Variants in SYNPR observed in about 807,000 individuals in gnomAD.
SYNPR encodes synaptoporin.
SYNPR carries 23 observed loss-of-function variants against 32.9 expected under a neutral mutation model. The observed-to-expected ratio is 0.70, with a 90% CI of 0.50 to 0.99. The LOEUF is 0.99. Ranked by LOEUF, SYNPR falls within the 50% of genes least tolerant of loss-of-function variation. The pLI is 0.00. For synonymous variants in SYNPR, 146 were observed against 135.9 expected, an observed-to-expected ratio of 1.07 and a Z score of -0.52; for missense variants, 318 against 349.3, an observed-to-expected ratio of 0.91 and a Z score of 0.71.
At chr3:63,210,370 G>T in the SYNPR span, among the ~76,000 whole-genome samples, 2 of 152,188 alleles carry the variant, frequency 1.3e-5, no homozygotes, top group Non-Finnish European at 2.9e-5. Flanking sequence ...ACCAATCAGA[G>T]CCTAAAAGAA....
intron 4 of SYNPR, among the ~76,000 whole-genome samples, chr3:63,569,953 C>T (rs1431728955): frequency 6.6e-6 from 1 of 152,172 alleles, no homozygotes; most frequent in Non-Finnish European, 1.5e-5. Flanking sequence ...CTGCTGCAGT[C>T]GGCCTTGGGG....
At chr3:63,565,132 T>G (rs772808816) in intron 4 of SYNPR, among the ~76,000 whole-genome samples, 2 of 152,162 alleles carry the variant, frequency 1.3e-5, no homozygotes, top group Admixed American at 6.5e-5. Flanking sequence ...ATGTTTCTAC[T>G]CCATAGCCTG....
intron 2 of SYNPR, among the ~76,000 whole-genome samples, chr3:63,333,037 C>G (rs1420365598): frequency 2.0e-5 from 3 of 152,156 alleles, no homozygotes; most frequent in Non-Finnish European, 4.4e-5. Context: ...AAAATCATCA[C>G]TGGCTGAGAA....
At chr3:63,562,641 A>G (rs914405992) in intron 4 of SYNPR, among the ~76,000 whole-genome samples, 1 of 152,206 alleles carries the variant, frequency 6.6e-6, no homozygotes, top group African/African-American at 2.4e-5. Flanking sequence ...ATCCTGGGAG[A>G]GACGTAGTGC....
At chr3:63,306,698 GA>G (rs1389298753) in intron 2 of SYNPR, among the ~76,000 whole-genome samples, 1 of 151,954 alleles carries the variant, frequency 6.6e-6, no homozygotes, top group Non-Finnish European at 1.5e-5. Flanking sequence ...CCTTATCCTT[GA>G]AAAGGATTAA....
upstream of SYNPR, among the ~76,000 whole-genome samples, chr3:63,224,144 T>C (rs2086112340): frequency 6.6e-6 from 1 of 152,186 alleles, no homozygotes; most frequent in African/African-American, 2.4e-5. Flanking sequence ...TGTTAGGAGC[T>C]GGGCCACACA....
Position 63,615,323 on chromosome 3 carries a change from C to G in SYNPR, c.700C>G (p.Pro234Ala). The G allele has an allele frequency of 1.9e-6, 3 of 1,613,792 alleles. No homozygotes were observed. Among genetic ancestry groups the G allele is most frequent in the Non-Finnish European group, 2.5e-6 (3 of 1,179,834 alleles). Residue 234 changes from proline to alanine, a missense_variant, in exon 6 of 6, where the codon CCA (proline) becomes GCA (alanine). Pro to Ala is a conservative substitution (Grantham distance 27). Transcript: ENST00000478300. ...TTCGGGACAGAGATATCTTTCAGAT[C>G]CAATGGAGAAGCACTCCAGCAGCTA... is the stretch of plus-strand genomic sequence containing the variant. The part of the protein sequence containing the change: ...HSSGQRYLSD[P>A]MEKHSSSYNQ...
chr3:63,505,469 C>T (rs747883386), intron 3 of SYNPR, among the ~76,000 whole-genome samples: 3 of 152,086 alleles, frequency 2.0e-5, no homozygotes, highest in Non-Finnish European at 4.4e-5. Flanking sequence ...GACAAGCCCT[C>T]ATTCTGGCCA....
chr3:63,305,663 G>T (rs1185756685), intron 2 of SYNPR, among the ~76,000 whole-genome samples: 2 of 151,870 alleles, frequency 1.3e-5, no homozygotes, highest in African/African-American at 4.8e-5. Flanking sequence ...TGGGGCCTAG[G>T]CATTTTTATT....
intron 2 of SYNPR, among the ~76,000 whole-genome samples, chr3:63,320,892 C>T (rs1198495686): frequency 6.6e-6 from 1 of 152,048 alleles, no homozygotes; most frequent in Non-Finnish European, 1.5e-5. Flanking sequence ...AGAAACACTG[C>T]CATCTCAAAT....
intron 2 of SYNPR, among the ~76,000 whole-genome samples, chr3:63,294,304 C>T (rs958912759): frequency 1.3e-5 from 2 of 152,176 alleles, no homozygotes; most frequent in Non-Finnish European, 2.9e-5. Context: ...CCAAATTACC[C>T]TCCAATGAGG....
chr3:63,284,930 C>G (rs770496081), intron 2 of SYNPR, among the ~76,000 whole-genome samples: 2 of 152,154 alleles, frequency 1.3e-5, no homozygotes, highest in Non-Finnish European at 2.9e-5. Flanking sequence ...CTCCAGGAGG[C>G]TCAAAGATGT....
At chr3:63,300,469 A>G (rs1198386514) in intron 2 of SYNPR, among the ~76,000 whole-genome samples, 1 of 152,080 alleles carries the variant, frequency 6.6e-6, no homozygotes, top group African/African-American at 2.4e-5. Flanking sequence ...GGATAAAATA[A>G]TTGTGAGGGA....
chr3:63,351,767 C>T (rs528580149), intron 2 of SYNPR, among the ~76,000 whole-genome samples: 19 of 152,268 alleles, frequency 1.2e-4, no homozygotes, highest in African/African-American at 4.6e-4. Flanking sequence ...AGTAAAGTTC[C>T]AGGCAACGGG....
At chr3:63,589,713 A>G (rs1345837766) in intron 4 of SYNPR, among the ~76,000 whole-genome samples, 1 of 148,440 alleles carries the variant, frequency 6.7e-6, no homozygotes, top group Non-Finnish European at 1.5e-5. Flanking sequence ...CCACATGATT[A>G]TCTCAATAGA....
intron 1 of SYNPR, among the ~76,000 whole-genome samples, chr3:63,242,738 C>A (rs2367764): frequency 0.82 from 124,943 of 151,980 alleles, 51,829 homozygotes; most frequent in Middle Eastern, 0.88. Context: ...GAGTGAAATG[C>A]TGCAACCAAA....
chr3:63,488,936 C>T (rs868398775), intron 3 of SYNPR, among the ~76,000 whole-genome samples: 5 of 152,284 alleles, frequency 3.3e-5, no homozygotes, highest in African/African-American at 1.2e-4. Flanking sequence ...CACTGTTCCC[C>T]TCTCAATCTG....
chr3:63,264,722 C>T (rs1319176118), intron 2 of SYNPR, among the ~76,000 whole-genome samples: 1 of 152,190 alleles, frequency 6.6e-6, no homozygotes, highest in Non-Finnish European at 1.5e-5. Flanking sequence ...GTTCAATTGA[C>T]TCACAGTTCT....
intron 4 of SYNPR, among the ~76,000 whole-genome samples, chr3:63,565,494 A>G (rs931437011): frequency 6.6e-6 from 1 of 152,206 alleles, no homozygotes; most frequent in Non-Finnish European, 1.5e-5. Context: ...GAAACGGAGC[A>G]GAACATGTGG....
Sources: allele counts gnomAD v4.1 joint callset (sites outside exome capture counted in the v4.1 genomes callset), GRCh38; gene constraint gnomAD v4.1.1; transcripts MANE v1.5; gene names NCBI Gene and HGNC (gene_info 2026-07-23, HGNC 2026-07-21).